Variants in ADCY3 observed in about 807,000 individuals in gnomAD.
ADCY3 encodes adenylate cyclase 3.
ADCY3 carries 70 observed loss-of-function variants against 119.4 expected under a neutral mutation model. The observed-to-expected ratio is 0.59, with a 90% CI of 0.48 to 0.72. The LOEUF is 0.72. Ranked by LOEUF, ADCY3 falls within the 30% of genes least tolerant of loss-of-function variation. ADCY3 has a pLI of 0.00. For missense variants in ADCY3, 1,238 were observed against 1,541.6 expected (o/e 0.80, Z 3.30); for synonymous variants, 672 against 621.4 (o/e 1.08, Z -1.21).
At chr2:24,913,401 C>CT (rs1336691175) in intron 2 of ADCY3, among the ~76,000 whole-genome samples, 1 of 152,230 alleles carries the variant, frequency 6.6e-6, no homozygotes, top group African/African-American at 2.4e-5. Context: ...CACTGTTCAG[C>CT]TACGTTGCTT....
chr2:24,899,982 A>T lies in ADCY3; in HGVS notation c.675+18331T>A, dbSNP rs1049759567. ...TCGTTTAAGAGAAGCCTCAATGTTA[A>T]TAGCAGTTATCCTTCAGAAATAATA... is the stretch of plus-strand genomic sequence containing the variant. On this transcript the variant is annotated intron_variant, in intron 2 of 21. Coordinates refer to ENST00000679454, the MANE Select transcript of ADCY3 (RefSeq NM_004036.5). The surrounding 1 kb of genome is among the most constrained non-coding windows in gnomAD (Gnocchi z 4.5). 6.6e-6 allele frequency among the ~76,000 whole-genome samples: 1 copy of T among 152,198 alleles called. No individual in the cohort carries two copies. The highest frequency in any genetic ancestry group is 1.5e-5 in the Non-Finnish European group (1 of 68,036).
chr2:24,862,422 T>G (rs1673777462), intron 3 of ADCY3, among the ~76,000 whole-genome samples: 1 of 152,086 alleles, frequency 6.6e-6, no homozygotes, highest in Non-Finnish European at 1.5e-5. Context: ...GGCGGGCACC[T>G]GTAGTCCCAG....
chr2:24,824,969 GAA>G (rs1301920249), intron 16 of ADCY3, among the ~76,000 whole-genome samples: 1 of 152,216 alleles, frequency 6.6e-6, no homozygotes, highest in African/African-American at 2.4e-5. Context: ...AATGGCAAGG[GAA>G]GTAAGACCCT....
chr2:24,888,837 C>T lies in ADCY3; in HGVS notation c.676-16118G>A, dbSNP rs144627561. 2.4e-4 allele frequency among the ~76,000 whole-genome samples: 37 copies of T among 152,218 alleles called. No individual in the cohort carries two copies. In the East Asian group the frequency reaches 6.6e-3, roughly 27 times the overall value. ...CAGCCTGACCAATATGGTGAGACCC[C>T]GTCTCTACTGAAAATACAAAAATTA... On this transcript the variant is annotated intron_variant, in intron 2 of 21. Transcript: ENST00000679454.
In ADCY3 at chr2:24,836,893, C is replaced by T. The variant is rs200260516; in HGVS notation, c.1662+24G>A. 151 of 1,588,452 alleles carry T rather than the reference C, an allele frequency of 9.5e-5. 1 individual carries two copies. The African/African-American group carries it at 1.7e-3, about 18-fold the overall frequency. ...TGCCCGCATCTGGCCCTCAGTGACC[C>T]CCTGCCCTGAGCCCTGCACATACCT... is the stretch of plus-strand genomic sequence containing the variant. On this transcript the variant is annotated intron_variant, in intron 9 of 21. Transcript: ENST00000679454.
intron 12 of ADCY3, 103 bp from the exon 13 acceptor site, chr2:24,830,928 G>T: frequency 1.1e-6 from 1 of 886,148 alleles, no homozygotes; most frequent in Non-Finnish European, 1.8e-6. Flanking sequence ...AGTCCCAGGA[G>T]CCTCAAAACG....
chr2:24,862,152 G>C (rs917146630), intron 3 of ADCY3, among the ~76,000 whole-genome samples: 2 of 152,122 alleles, frequency 1.3e-5, no homozygotes, highest in African/African-American at 2.4e-5. Context: ...GGTGAGGCTG[G>C]AGCATAGGAC....
intron 3 of ADCY3, among the ~76,000 whole-genome samples, chr2:24,843,156 C>G (rs1484299987): frequency 5.3e-5 from 8 of 152,204 alleles, no homozygotes; most frequent in Non-Finnish European, 1.5e-5. Context: ...GAGGTAAAAA[C>G]AGAAACATGG....
intron 16 of ADCY3, 46 bp from the exon 17 acceptor site, chr2:24,824,582 G>A (rs1668323329): frequency 6.3e-7 from 1 of 1,591,850 alleles, no homozygotes; most frequent in Non-Finnish European, 8.6e-7. Flanking sequence ...GCTGGCCACT[G>A]GATAGAAGGA....
chr2:24,891,149 A>G (rs888157109), intron 2 of ADCY3, among the ~76,000 whole-genome samples: 2 of 152,174 alleles, frequency 1.3e-5, no homozygotes, highest in Admixed American at 6.6e-5. Flanking sequence ...GATTACAGGC[A>G]TGAGCCACTG....
chr2:24,868,433 G>A (rs1674570255), intron 3 of ADCY3, among the ~76,000 whole-genome samples: 1 of 152,056 alleles, frequency 6.6e-6, no homozygotes. Flanking sequence ...CAACACTTTG[G>A]GAGGCCGAGG....
chr2:24,848,239 C>T lies in ADCY3; in HGVS notation c.826-5855G>A, dbSNP rs376675373. Among the ~76,000 whole-genome samples, 8 of 152,372 alleles carry T rather than the reference C, an allele frequency of 5.3e-5. No homozygotes were observed. In the South Asian group the frequency reaches 8.3e-4, roughly 16 times the overall value. On this transcript the variant is annotated intron_variant, in intron 3 of 21. Transcript: ENST00000679454. ...CTGCCCAGGGTGGAAAACCCCTTAACGGCATTCTTAAGCCACAAACAATAG... is the reference window on the plus strand; with the variant it reads ...CTGCCCAGGGTGGAAAACCCCTTAATGGCATTCTTAAGCCACAAACAATAG...
intron 2 of ADCY3, among the ~76,000 whole-genome samples, chr2:24,904,841 A>C (rs1679293011): frequency 6.6e-6 from 1 of 151,988 alleles, no homozygotes; most frequent in Non-Finnish European, 1.5e-5. Context: ...GGGTTGCACC[A>C]TGTTGACCAG....
Position 24,825,136 on chromosome 2 carries a change from G to T in ADCY3, c.2578-600C>A, listed in dbSNP as rs1318185135. On this transcript the variant is annotated intron_variant, in intron 16 of 21. Coordinates refer to ENST00000679454, the MANE Select transcript of ADCY3 (RefSeq NM_004036.5). ...TGTCTCGTGGAGGTGGCAGCAGTGGGGATCTCCCAACTCAGGGTGGAGTCC... is the reference window on the plus strand; with the variant it reads ...TGTCTCGTGGAGGTGGCAGCAGTGGTGATCTCCCAACTCAGGGTGGAGTCC... Among the ~76,000 whole-genome samples, 2 of 152,050 alleles carry T rather than the reference G, an allele frequency of 1.3e-5. 1 individual carries two copies.
rs1414216430 is a variant in ADCY3, at chr2:24,838,424, G to GGGGT, written c.1533+17_1533+20dup. The GGGGT allele has an allele frequency of 1.4e-5, 20 of 1,456,996 alleles. 2 individuals are homozygous for GGGGT. In the South Asian group the frequency reaches 2.3e-4, roughly 17 times the overall value. The allele number at this position is 1,456,996 out of a possible 1,614,324, so 90.3% of individuals were successfully genotyped here. A position where few individuals can be genotyped will look rare whatever the true frequency, so the allele number is the denominator to read the frequency against. ...CAGGGGTGGGGTGGGTGGGGTGGGT[G>GGGGT]GGGTGGGGTGGGGAACTCACCGAGC... On this transcript the variant is annotated intron_variant, in intron 8 of 21. Coordinates refer to ENST00000679454, the MANE Select transcript of ADCY3 (RefSeq NM_004036.5).
chr2:24,899,141 C>T lies in ADCY3; in HGVS notation c.675+19172G>A, dbSNP rs930740010. Among the ~76,000 whole-genome samples, 21 of 152,096 alleles carry T rather than the reference C, an allele frequency of 1.4e-4. No homozygotes were observed. Among genetic ancestry groups the T allele is most frequent in the African/African-American group, 4.8e-4 (20 of 41,420 alleles). On this transcript the variant is annotated intron_variant, in intron 2 of 21. Coordinates refer to ENST00000679454, the MANE Select transcript of ADCY3 (RefSeq NM_004036.5). The surrounding 1 kb of genome is among the most constrained non-coding windows in gnomAD (Gnocchi z 4.5). ...CTAGGCAGAGCCACTAGGCAGTTGC[C>T]AACTGCCTAGGCAACTCCCTAGGCA...
At chr2:24,871,059 T>G (rs1674949371) in intron 3 of ADCY3, among the ~76,000 whole-genome samples, 1 of 151,906 alleles carries the variant, frequency 6.6e-6, no homozygotes, top group East Asian at 1.9e-4. Context: ...ACAAGATCAA[T>G]GCAGACAGAC....
intron 3 of ADCY3, among the ~76,000 whole-genome samples, chr2:24,844,282 G>A (rs1409758174): frequency 2.0e-5 from 3 of 152,208 alleles, no homozygotes; most frequent in South Asian, 2.1e-4. Context: ...CAGGAGCTCT[G>A]TGCCTAGGGT....
Position 24,918,903 on chromosome 2 carries a change from C to A in ADCY3, c.85G>T (p.Asp29Tyr). The change falls in exon 2 of 22, where the codon GAC (aspartate) becomes TAC (tyrosine). Residue 29 changes from aspartate to tyrosine, a missense_variant. Physicochemically the swap from Asp to Tyr is radical, Grantham distance 160. Around this residue, in one of 7 missense-constraint regions of ADCY3, gnomAD observed 227 missense variants for 249.3 expected, o/e 0.91. Transcript: ENST00000679454. The surrounding 1 kb of genome is among the most constrained non-coding windows in gnomAD (Gnocchi z 5.4). ...TCATGGGTCCGGCCCACCCCGCGGT[C>A]AGGGTCGGAGGGCAGGCTGACGGAG... ...EYSVSLPSDP[D>Y]RGVGRTHEIS... The A allele has an allele frequency of 6.2e-7, 1 of 1,612,828 alleles. No individual in the cohort carries two copies. Among genetic ancestry groups the A allele is most frequent in the Non-Finnish European group, 8.5e-7 (1 of 1,180,008 alleles).
Sources: gnomAD v4.1 joint callset for allele counts (sites outside exome capture counted in the v4.1 genomes callset) on GRCh38, gnomAD v4.1.1 for gene constraint, gnomAD v4.1.1 regional missense constraint, Gnocchi (gnomAD v3.1) non-coding constraint, MANE v1.5 for transcripts, NCBI Gene and HGNC (gene_info 2026-07-23, HGNC 2026-07-21) for gene names.